Variants in CDKL5 observed in about 807,000 individuals in gnomAD.
The protein encoded by CDKL5 is cyclin-dependent kinase-like 5.
Under a neutral mutation model 61.7 loss-of-function variants are expected in CDKL5, and 8 were observed. The observed-to-expected ratio is 0.13, with a 90% confidence interval of 0.08 to 0.23. The LOEUF (loss-of-function observed/expected upper bound fraction) is 0.23. Ranked by LOEUF, CDKL5 falls within the 10% of genes least tolerant of loss-of-function variation. The pLI, the probability that CDKL5 is intolerant of heterozygous loss-of-function variation, is 1.00. For missense variants in CDKL5, 440 were observed against 734.5 expected, an observed-to-expected ratio of 0.60 and a Z score of 4.63; for synonymous variants, 275 against 272.3, an observed-to-expected ratio of 1.01 and a Z score of -0.10.
At chrX:18,461,652 A>G (rs924385873) in intron 1 of CDKL5, among the ~76,000 whole-genome samples, 1 of 112,028 alleles carries the variant, frequency 8.9e-6, no homozygotes, top group Non-Finnish European at 1.9e-5. Flanking sequence ...ATTACTAGCT[A>G]CTATTTGAGG....
At chrX:18,551,694 T>C (rs1924395886) in intron 3 of CDKL5, among the ~76,000 whole-genome samples, 1 of 106,131 alleles carries the variant, frequency 9.4e-6, no homozygotes, top group African/African-American at 3.4e-5. Flanking sequence ...CAAAGGATCC[T>C]CCTACCTCAG....
chrX:18,559,968 C>T (rs1346760877), intron 3 of CDKL5, among the ~76,000 whole-genome samples: 1 of 108,544 alleles, frequency 9.2e-6, no homozygotes, highest in Non-Finnish European at 1.9e-5. Flanking sequence ...TGAACTCATC[C>T]TTTTTTATGG....
intron 1 of CDKL5, among the ~76,000 whole-genome samples, chrX:18,474,695 G>C (rs778543556): frequency 8.9e-6 from 1 of 111,930 alleles, no homozygotes; most frequent in African/African-American, 3.2e-5. Flanking sequence ...GTACAGAATT[G>C]TGAAAATGGA....
In CDKL5 at chrX:18,639,105, G is replaced by T. The variant is rs909701535; in HGVS notation, c.*10348G>T. On this transcript the variant is annotated 3_prime_UTR_variant, in exon 18 of 18. Coordinates refer to ENST00000623535, the MANE Select transcript of CDKL5 (RefSeq NM_001323289.2). ...AAAACTCATAGAAGAAAACATAGGG[G>T]TAAATCTTCATGACCTTGGATTTGG... Among the ~76,000 whole-genome samples the T allele has an allele frequency of 8.9e-6, 1 of 111,775 alleles. No individual in the cohort carries two copies. Among genetic ancestry groups the T allele is most frequent in the Non-Finnish European group, 1.9e-5 (1 of 53,178 alleles).
chrX:18,478,321 C>G (rs1681646852), intron 1 of CDKL5, among the ~76,000 whole-genome samples: 1 of 89,733 alleles, frequency 1.1e-5, no homozygotes, highest in East Asian at 3.9e-4. Flanking sequence ...GAGTCTCACT[C>G]ACTTTGTCGC....
At chrX:18,474,383 T>C (rs1921224938) in intron 1 of CDKL5, among the ~76,000 whole-genome samples, 2 of 111,290 alleles carry the variant, frequency 1.8e-5, no homozygotes, top group Admixed American at 9.6e-5. Flanking sequence ...CTACCTTTAT[T>C]AAGGTACATA....
chrX:18,642,782 G>A (rs1201597590), downstream of CDKL5, among the ~76,000 whole-genome samples: 8 of 112,211 alleles, frequency 7.1e-5, no homozygotes, highest in Non-Finnish European at 1.5e-4. Context: ...GCTCACGCCT[G>A]TAATCCCAGC....
intron 9 of CDKL5, 102 bp from the exon 10 acceptor site, chrX:18,595,246 T>C (rs1925952519): frequency 1.8e-6 from 1 of 569,556 alleles, no homozygotes; most frequent in Admixed American, 2.3e-5. Flanking sequence ...TTGACTGGGA[T>C]TGGCATTTTT....
At chrX:18,541,141 TC>T (rs1861725695) in intron 3 of CDKL5, among the ~76,000 whole-genome samples, 1 of 112,354 alleles carries the variant, frequency 8.9e-6, no homozygotes, top group African/African-American at 3.2e-5. Flanking sequence ...CTATGATGTG[TC>T]TTGGCTGGAA....
At chrX:18,607,995 T>A (rs1926419188) in intron 12 of CDKL5, among the ~76,000 whole-genome samples, 1 of 112,215 alleles carries the variant, frequency 8.9e-6, no homozygotes, top group East Asian at 2.8e-4. Flanking sequence ...AATGCCCTTT[T>A]CTGTGCATAA....
intron 17 of CDKL5, 67 bp from the exon 18 acceptor site, chrX:18,628,304 C>T (rs1927130471): frequency 6.2e-6 from 7 of 1,124,093 alleles, no homozygotes; most frequent in Non-Finnish European, 8.6e-6. Context: ...CTCTAAGCCC[C>T]CTTCCCTCCC....
chrX:18,472,115 TTCTG>T (rs746269678), intron 1 of CDKL5, among the ~76,000 whole-genome samples: 42 of 112,352 alleles, frequency 3.7e-4, no homozygotes, highest in African/African-American at 1.3e-3. Context: ...CAATTATTCA[TTCTG>T]TCTAACTATA....
At position 18,591,142 on chromosome X, in the gene CDKL5, C is replaced by G. The variant is rs142428198; in HGVS notation, c.744+2999C>G. Reference sequence around the variant, plus strand: ...GCCACCCAACGTACCACCCTCACCTCCATCCTAGTCTTTCTCTCCCACAGC... The same window carrying G: ...GCCACCCAACGTACCACCCTCACCTGCATCCTAGTCTTTCTCTCCCACAGC... On this transcript the variant is annotated intron_variant, in intron 9 of 17. Coordinates refer to ENST00000623535, the MANE Select transcript of CDKL5 (RefSeq NM_001323289.2). Among the ~76,000 whole-genome samples the G allele has an allele frequency of 7.8e-3, 873 of 111,509 alleles. 6 individuals carry two copies. Among genetic ancestry groups the G allele is most frequent in the Non-Finnish European group, 0.012 (647 of 53,132 alleles).
chrX:18,487,035 A>G lies in CDKL5; in HGVS notation c.-162-19900A>G, dbSNP rs377669738. ...AATTTTCTTGTTTCTTGCCTGCTTT[A>G]AGAGGTGGAATTGACTGTAGATAAG... On this transcript the variant is annotated intron_variant, in intron 1 of 17. Transcript: ENST00000623535. Among the ~76,000 whole-genome samples the G allele has an allele frequency of 7.1e-4, 80 of 111,939 alleles. 2 individuals are homozygous for G. In the South Asian group the frequency reaches 0.027, roughly 37 times the overall value.
chrX:18,623,841 T>C (rs1460549404), intron 16 of CDKL5: 5 of 732,788 alleles, frequency 6.8e-6, no homozygotes, highest in Non-Finnish European at 8.0e-6. Flanking sequence ...CACTTTTTTT[T>C]TTTTTTGCAA....
At position 18,604,338 on chromosome X, in the gene CDKL5, A is replaced by G. The variant is rs2045752766; in HGVS notation, c.1414A>G (p.Thr472Ala). The change falls in exon 12 of 18, where the codon ACA becomes GCA. Residue 472 changes from threonine (T) to alanine (A), a missense_variant. Coordinates refer to ENST00000623535, the MANE Select transcript of CDKL5 (RefSeq NM_001323289.2). Reference sequence around the variant, plus strand: ...GCAGAGTCGGCATAGCTATATTGACACAATTCCCCAGTCCTCTAGGAGTCC... The same window carrying G: ...GCAGAGTCGGCATAGCTATATTGACGCAATTCCCCAGTCCTCTAGGAGTCC... The part of the protein sequence containing the change: ...EKQSRHSYID[T>A]IPQSSRSPSY... The G allele has an allele frequency of 8.3e-7, 1 of 1,209,863 alleles. No individual in the cohort carries two copies. The highest frequency in any genetic ancestry group is 1.1e-6 in the Non-Finnish European group (1 of 894,278).
rs186065944 is a variant in CDKL5, at chrX:18,620,573, A to G, written c.2376+607A>G. On this transcript the variant is annotated intron_variant, in intron 16 of 17. Coordinates refer to ENST00000623535, the MANE Select transcript of CDKL5 (RefSeq NM_001323289.2). ...AAGAGCTGGCTCCATGGGACCGTTC[A>G]CATCACTTCACTGAACCACCCAAGC... Among the ~76,000 whole-genome samples the G allele has an allele frequency of 3.6e-5, 4 of 111,249 alleles. No homozygotes were observed. The East Asian group carries it at 1.1e-3, about 32-fold the overall frequency.
intron 1 of CDKL5, among the ~76,000 whole-genome samples, chrX:18,447,617 A>G (rs1413550039): frequency 1.8e-5 from 2 of 110,524 alleles, no homozygotes; most frequent in Non-Finnish European, 3.8e-5. Flanking sequence ...CCTTGAACCA[A>G]TGTATTCCAT....
At chrX:18,508,210 A>G (rs1231342827) in intron 2 of CDKL5, among the ~76,000 whole-genome samples, 1 of 112,655 alleles carries the variant, frequency 8.9e-6, no homozygotes, top group African/African-American at 3.2e-5. Context: ...ATTTTCAAAT[A>G]AACTCTGAAT....
Sources: allele counts gnomAD v4.1 joint callset (sites outside exome capture counted in the v4.1 genomes callset), GRCh38; gene constraint gnomAD v4.1.1; transcripts MANE v1.5; gene names NCBI Gene and HGNC (gene_info 2026-07-23, HGNC 2026-07-21).